The following BEST3 variants were observed in gnomAD, a reference collection of about 807,000 sequenced individuals.
The protein encoded by BEST3 is bestrophin 3, also known as bestrophin-3.
In BEST3, 50 loss-of-function variants were observed where a neutral mutation model predicts 47.1. That is an observed-to-expected ratio of 1.06 (90% confidence interval 0.85 to 1.34). The LOEUF is 1.34. Ranked by LOEUF, BEST3 falls within the 40% of genes most tolerant of loss-of-function variation. The pLI, the probability that BEST3 is intolerant of heterozygous loss-of-function variation, is 0.00. For missense variants in BEST3, 765 were observed against 817.0 expected, an observed-to-expected ratio of 0.94 and a Z score of 0.78; for synonymous variants, 282 against 298.8, an observed-to-expected ratio of 0.94 and a Z score of 0.58.
intron 9 of BEST3, among the ~76,000 whole-genome samples, chr12:69,647,146 G>T (rs1371160128): frequency 6.6e-6 from 1 of 152,154 alleles, no homozygotes; most frequent in Non-Finnish European, 1.5e-5. Flanking sequence ...TTTGGTGTAA[G>T]CCTCCACCTT....
chr12:69,670,095 C>T (rs76280570), intron 9 of BEST3: 4,945 of 205,928 alleles, frequency 0.024, 248 homozygotes, highest in African/African-American at 0.1. Flanking sequence ...ATTTAATTAT[C>T]TAAAATCAAA....
In BEST3 at chr12:69,644,266, T is replaced by G. The variant is rs190550728; in HGVS notation, c.1101-479A>C. On this transcript the variant is annotated intron_variant, in intron 9 of 9. Transcript: ENST00000331471. ...CTGTGACATGGATACAGTAGTTTATTTCCCCAAACCCCAGTTTCCTTACCT... is the reference window on the plus strand; with the variant it reads ...CTGTGACATGGATACAGTAGTTTATGTCCCCAAACCCCAGTTTCCTTACCT... Among the ~76,000 whole-genome samples the G allele has an allele frequency of 1.2e-3, 178 of 152,360 alleles. 1 individual carries two copies. The highest frequency in any genetic ancestry group is 4.0e-3 in the African/African-American group (167 of 41,584).
intron 1 of BEST3, 75 bp from the exon 2 acceptor site, chr12:69,697,888 T>G: frequency 2.6e-6 from 3 of 1,163,328 alleles, no homozygotes; most frequent in Non-Finnish European, 3.6e-6. Context: ...TGTCTGTATA[T>G]CAAGGAAATT....
intron 4 of BEST3, among the ~76,000 whole-genome samples, chr12:69,682,497 C>T (rs577155688): frequency 6.6e-6 from 1 of 152,240 alleles, no homozygotes; most frequent in East Asian, 1.9e-4. Context: ...TTTCTCAGTG[C>T]ATCTCAGAGT....
At chr12:69,650,159 G>T (rs1342681967), downstream of BEST3, among the ~76,000 whole-genome samples, 2 of 152,226 alleles carry the variant, frequency 1.3e-5, no homozygotes, top group Non-Finnish European at 2.9e-5. Flanking sequence ...GGCCAGGCAT[G>T]AGCTGACTGC....
chr12:69,661,992 T>C (rs538847124), intron 9 of BEST3, among the ~76,000 whole-genome samples: 3 of 152,108 alleles, frequency 2.0e-5, no homozygotes, highest in Admixed American at 2.0e-4. Flanking sequence ...AAAGTGGGGG[T>C]TCACTTAAAG....
intron 9 of BEST3, among the ~76,000 whole-genome samples, chr12:69,667,408 C>T (rs562803996): frequency 2.6e-4 from 39 of 152,296 alleles, no homozygotes; most frequent in Non-Finnish European, 1.5e-5. Flanking sequence ...AGCGATTCTC[C>T]TGCCTCAGCC....
At chr12:69,685,193 G>A (rs1885506892) in intron 4 of BEST3, among the ~76,000 whole-genome samples, 1 of 152,150 alleles carries the variant, frequency 6.6e-6, no homozygotes, top group Non-Finnish European at 1.5e-5. Context: ...AATAGAGACA[G>A]ACACTCCTCT....
intron 9 of BEST3, among the ~76,000 whole-genome samples, chr12:69,666,398 T>G (rs1884222768): frequency 6.6e-6 from 1 of 152,236 alleles, no homozygotes; most frequent in African/African-American, 2.4e-5. Context: ...TATCAATCAC[T>G]TCTAACCTAC....
chr12:69,673,701 C>T (rs1800482009), intron 7 of BEST3, among the ~76,000 whole-genome samples: 1 of 152,102 alleles, frequency 6.6e-6, no homozygotes, highest in Admixed American at 6.5e-5. Context: ...TTCTCGACCT[C>T]CCAAAGTGTT....
At chr12:69,688,349 A>G (rs1213540730) in intron 4 of BEST3, among the ~76,000 whole-genome samples, 1 of 152,258 alleles carries the variant, frequency 6.6e-6, no homozygotes, top group Non-Finnish European at 1.5e-5. Context: ...TTCTCTGATA[A>G]ATAACTGATC....
At chr12:69,697,597 T>C in intron 2 of BEST3, 50 bp downstream of exon 2, 1 of 1,442,562 alleles carries the variant, frequency 6.9e-7, no homozygotes, top group Non-Finnish European at 9.3e-7. Flanking sequence ...TGAGACTGTA[T>C]CTTACACAAT....
Position 69,646,975 on chromosome 12 carries a change from A to C in BEST3, c.1101-3188T>G, listed in dbSNP as rs1310668522. On this transcript the variant is annotated intron_variant, in intron 9 of 9. Transcript: ENST00000331471. ...ATGAGATTCATTCACTTCTGAACCC[A>C]TCTGCAACCATCCAAGCATGGCAGC... Among the ~76,000 whole-genome samples the C allele has an allele frequency of 2.0e-5, 3 of 152,196 alleles. No individual in the cohort carries two copies. The East Asian group carries it at 5.8e-4, about 29-fold the overall frequency.
intron 4 of BEST3, 117 bp downstream of exon 4, chr12:69,693,557 G>A (rs545203232): frequency 9.0e-6 from 8 of 892,750 alleles, no homozygotes; most frequent in African/African-American, 1.7e-5. Flanking sequence ...GAGCCACCGC[G>A]CCCAACCAAT....
intron 2 of BEST3, 22 bp downstream of exon 2, chr12:69,697,625 G>A (rs771570483): frequency 2.6e-6 from 4 of 1,522,304 alleles, no homozygotes; most frequent in African/African-American, 1.4e-5. Flanking sequence ...GGCCATTTAA[G>A]GAGACATGTA....
intron 7 of BEST3, among the ~76,000 whole-genome samples, chr12:69,676,291 G>A (rs947245488): frequency 2.0e-5 from 3 of 152,120 alleles, no homozygotes; most frequent in Non-Finnish European, 4.4e-5. Flanking sequence ...GGTGGCTCAC[G>A]CCTGTAATCC....
intron 9 of BEST3, among the ~76,000 whole-genome samples, chr12:69,665,825 G>A (rs913839793): frequency 1.3e-5 from 2 of 151,776 alleles, no homozygotes; most frequent in East Asian, 3.9e-4. Context: ...AATTATATGC[G>A]TTTTGGGTTT....
At chr12:69,674,087 G>C (rs1884750453) in intron 7 of BEST3, among the ~76,000 whole-genome samples, 1 of 152,066 alleles carries the variant, frequency 6.6e-6, no homozygotes, top group African/African-American at 2.4e-5. Context: ...GTGAGAGAGA[G>C]AGACAGGGAG....
At position 69,654,840 on chromosome 12, in the gene BEST3, G is replaced by A; in HGVS notation, c.*67C>T. ...CGACCAGCCTTCAGGTATGTCCTGG[G>A]CCTAATATGCTGCTTTTGGGGAGGT... is the stretch of plus-strand genomic sequence containing the variant. On this transcript the variant is annotated 3_prime_UTR_variant, in exon 10 of 10. Coordinates refer to ENST00000330891, the MANE Select transcript of BEST3 (RefSeq NM_032735.3). 1 of 1,545,394 alleles carries A rather than the reference G, an allele frequency of 6.5e-7. No individual in the cohort carries two copies. Among genetic ancestry groups the A allele is most frequent in the African/African-American group, 1.4e-5 (1 of 72,636 alleles).
Sources: gnomAD v4.1 joint callset for allele counts (sites outside exome capture counted in the v4.1 genomes callset) on GRCh38, gnomAD v4.1.1 for gene constraint, MANE v1.5 for transcripts, NCBI Gene and HGNC (gene_info 2026-07-23, HGNC 2026-07-21) for gene names.